The following SPTSSA variants were observed in gnomAD, a reference collection of about 807,000 sequenced individuals.
SPTSSA encodes the protein small subunit of serine palmitoyltransferase A.
In SPTSSA, 8 loss-of-function variants were observed where a neutral mutation model predicts 9.1. That is an observed-to-expected ratio of 0.88 (90% CI 0.51 to 1.58). The LOEUF is 1.58. SPTSSA is among the 40% of genes most tolerant of loss of function. The pLI, the probability that SPTSSA is intolerant of heterozygous loss-of-function variation, is 0.00. For synonymous variants in SPTSSA, 42 were observed against 37.7 expected, an observed-to-expected ratio of 1.11 and a Z score of -0.41; for missense variants, 100 against 93.8, an observed-to-expected ratio of 1.07 and a Z score of -0.27.
chr14:34,443,171 G>GTGTGTGTT lies in SPTSSA; in HGVS notation c.113-7868_113-7867insAACACACA, dbSNP rs775781106. Among the ~76,000 whole-genome samples the GTGTGTGTT allele has an allele frequency of 3.4e-3, 211 of 62,126 alleles. 31 individuals are homozygous for GTGTGTGTT. Among genetic ancestry groups the GTGTGTGTT allele is most frequent in the South Asian group, 9.6e-3 (15 of 1,562 alleles). 40.8% of individuals were successfully genotyped at this position (62,126 alleles called of 152,430 possible). On this transcript the variant is annotated intron_variant, in intron 1 of 1. Coordinates refer to ENST00000298130, the MANE Select transcript of SPTSSA (RefSeq NM_138288.4). ...TGTGTGTGTGTGTGTGTGTGTGTGT[G>GTGTGTGTT]TTTTGAGATTGAGTTTTCCTCTAGG...
intron 1 of SPTSSA, among the ~76,000 whole-genome samples, chr14:34,437,847 C>T (rs539068712): frequency 1.3e-5 from 2 of 152,286 alleles, no homozygotes; most frequent in African/African-American, 4.8e-5. Flanking sequence ...GTTGTCCAGG[C>T]TAGACTGCAG....
At chr14:34,456,832 G>A (rs571306425) in intron 1 of SPTSSA, among the ~76,000 whole-genome samples, 152 of 150,966 alleles carry the variant, frequency 1.0e-3, no homozygotes, top group African/African-American at 3.5e-3. Flanking sequence ...CCAGGAGGCA[G>A]AGGTTGCAGC....
At chr14:34,451,469 A>G (rs1006488380) in intron 1 of SPTSSA, among the ~76,000 whole-genome samples, 1 of 152,138 alleles carries the variant, frequency 6.6e-6, no homozygotes, top group Non-Finnish European at 1.5e-5. Flanking sequence ...CACACCTGTA[A>G]TCCCAGCACT....
At chr14:34,456,499 C>A (rs1372895151) in intron 1 of SPTSSA, among the ~76,000 whole-genome samples, 1 of 152,286 alleles carries the variant, frequency 6.6e-6, no homozygotes, top group East Asian at 1.9e-4. Flanking sequence ...AAACTGCCCA[C>A]ATTTTGCTGA....
At chr14:34,447,791 A>G (rs1276894629) in intron 1 of SPTSSA, among the ~76,000 whole-genome samples, 1 of 152,202 alleles carries the variant, frequency 6.6e-6, no homozygotes, top group East Asian at 1.9e-4. Flanking sequence ...TTCTTCTGCA[A>G]ATCTCTGTAA....
At position 34,440,192 on chromosome 14, in the gene SPTSSA, G is replaced by T. The variant is rs375119135; in HGVS notation, c.113-4888C>A. Among the ~76,000 whole-genome samples, 6 of 152,212 alleles carry T rather than the reference G, an allele frequency of 3.9e-5. No individual in the cohort carries two copies. The South Asian group carries it at 1.2e-3, about 32-fold the overall frequency. On this transcript the variant is annotated intron_variant, in intron 1 of 1. Coordinates refer to ENST00000298130, the MANE Select transcript of SPTSSA (RefSeq NM_138288.4). Reference sequence around the variant, plus strand: ...ATCTAACAAAAAAACATGCTAAATAGACATTTGATGAACAGAGATGTTCAT... The same window carrying T: ...ATCTAACAAAAAAACATGCTAAATATACATTTGATGAACAGAGATGTTCAT...
chr14:34,436,433 T>C (rs1883241833), intron 1 of SPTSSA, among the ~76,000 whole-genome samples: 1 of 152,080 alleles, frequency 6.6e-6, no homozygotes, highest in African/African-American at 2.4e-5. Flanking sequence ...TGAACTGGAG[T>C]CATGCTTTAT....
chr14:34,453,124 T>C (rs1381244262), intron 1 of SPTSSA, among the ~76,000 whole-genome samples: 2 of 152,168 alleles, frequency 1.3e-5, no homozygotes. Context: ...TCAATAAGGC[T>C]CCAGTCAAAA....
intron 1 of SPTSSA, among the ~76,000 whole-genome samples, chr14:34,461,496 G>A (rs1460155928): frequency 1.3e-5 from 2 of 152,164 alleles, no homozygotes; most frequent in Non-Finnish European, 2.9e-5. Context: ...CGACTTCTAC[G>A]GACGGTGCAC....
At chr14:34,449,059 A>T (rs1006316235) in intron 1 of SPTSSA, among the ~76,000 whole-genome samples, 1 of 152,122 alleles carries the variant, frequency 6.6e-6, no homozygotes, top group African/African-American at 2.4e-5. Context: ...CAGTAAGTGA[A>T]CAAGCACATA....
At chr14:34,462,041 C>G (rs2138839826) in intron 1 of SPTSSA, 55 bp downstream of exon 1, 1 of 1,204,170 alleles carries the variant, frequency 8.3e-7, no homozygotes, top group Non-Finnish European at 1.0e-6. Flanking sequence ...GGAAATGCGG[C>G]CCCGCGGCCC....
Position 34,433,122 on chromosome 14 carries a change from G to A in SPTSSA, c.*2079C>T, listed in dbSNP as rs772149708. 3.9e-5 allele frequency: 6 copies of A among 152,158 alleles called. No homozygotes were observed. The highest frequency in any genetic ancestry group is 7.3e-5 in the Non-Finnish European group (5 of 68,036). The allele number at this position is 152,158 out of a possible 1,614,324, so 9.4% of individuals were successfully genotyped here. ...ATAAACTTCTCTGATCACCTCTCAAGAGACATCTCCCATTTCTCTTTTGAC... is the reference window on the plus strand; with the variant it reads ...ATAAACTTCTCTGATCACCTCTCAAAAGACATCTCCCATTTCTCTTTTGAC... On this transcript the variant is annotated 3_prime_UTR_variant, in exon 2 of 2. Coordinates refer to ENST00000298130, the MANE Select transcript of SPTSSA (RefSeq NM_138288.4).
At chr14:34,462,066 G>GC (rs776239852) in intron 1 of SPTSSA, 30 bp downstream of exon 1, 18 of 1,335,048 alleles carry the variant, frequency 1.3e-5, no homozygotes, top group Non-Finnish European at 1.8e-5. Flanking sequence ...CCCCAGCCCG[G>GC]CCCCCGCGCG....
chr14:34,446,522 A>G (rs1883425195), intron 1 of SPTSSA, among the ~76,000 whole-genome samples: 1 of 152,224 alleles, frequency 6.6e-6, no homozygotes, highest in African/African-American at 2.4e-5. Context: ...CAGATAAAAA[A>G]TGAAGGCCCA....
At chr14:34,442,762 T>A (rs887401616) in intron 1 of SPTSSA, among the ~76,000 whole-genome samples, 1 of 152,218 alleles carries the variant, frequency 6.6e-6, no homozygotes, top group Admixed American at 6.5e-5. Flanking sequence ...CCAGTGCTCC[T>A]TGGAGTCTGG....
intron 1 of SPTSSA, among the ~76,000 whole-genome samples, chr14:34,457,230 A>T (rs562504856): frequency 9.5e-4 from 145 of 152,142 alleles, no homozygotes; most frequent in Non-Finnish European, 8.7e-4. Flanking sequence ...CAGCCACCTC[A>T]GCCTCCCAAA....
intron 1 of SPTSSA, among the ~76,000 whole-genome samples, chr14:34,449,885 G>C (rs1206376210): frequency 6.6e-6 from 1 of 152,154 alleles, no homozygotes; most frequent in Non-Finnish European, 1.5e-5. Flanking sequence ...GCTATAATTT[G>C]CTATCTGGTA....
chr14:34,457,264 T>C (rs939616963), intron 1 of SPTSSA, among the ~76,000 whole-genome samples: 2 of 151,912 alleles, frequency 1.3e-5, no homozygotes, highest in African/African-American at 4.8e-5. Context: ...ATTTTAACAA[T>C]CTATTTTTAA....
At chr14:34,447,298 T>G (rs1883438653) in intron 1 of SPTSSA, among the ~76,000 whole-genome samples, 1 of 150,196 alleles carries the variant, frequency 6.7e-6, no homozygotes, top group African/African-American at 2.4e-5. Context: ...CATTCTTTAA[T>G]CTACATAATT....
Sources: allele counts gnomAD v4.1 joint callset (sites outside exome capture counted in the v4.1 genomes callset), GRCh38; gene constraint gnomAD v4.1.1; transcripts MANE v1.5; gene names NCBI Gene and HGNC (gene_info 2026-07-23, HGNC 2026-07-21).